The following CSPP1 variants were observed in gnomAD, a reference collection of about 807,000 sequenced individuals.
CSPP1 encodes the protein centrosome and spindle pole-associated protein 1.
CSPP1 carries 126 observed loss-of-function variants against 164.4 expected under a neutral mutation model. That is an observed-to-expected ratio of 0.77 (90% CI 0.66 to 0.89). CSPP1 has a LOEUF of 0.89. Ranked by LOEUF, CSPP1 falls within the 40% of genes least tolerant of loss-of-function variation. The pLI, the probability that CSPP1 is intolerant of heterozygous loss-of-function variation, is 0.00. For synonymous variants in CSPP1, 472 were observed against 476.7 expected, an observed-to-expected ratio of 0.99 and a Z score of 0.13; for missense variants, 1,395 against 1,449.8, an observed-to-expected ratio of 0.96 and a Z score of 0.61.
intron 4 of CSPP1, among the ~76,000 whole-genome samples, chr8:67,088,350 C>T (rs1585961839): frequency 6.6e-6 from 1 of 151,526 alleles, no homozygotes; most frequent in Non-Finnish European, 1.5e-5. Context: ...TGCAGTGGTA[C>T]GATCTTGGCT....
Position 67,186,625 on chromosome 8 carries a change from TG to T in CSPP1, c.3221-4024del, listed in dbSNP as rs1295782373. Among the ~76,000 whole-genome samples, 26 of 152,308 alleles carry T rather than the reference TG, an allele frequency of 1.7e-4. 1 individual carries two copies. The highest frequency in any genetic ancestry group is 2.1e-4 in the Non-Finnish European group (14 of 68,018). On this transcript the variant is annotated intron_variant, in intron 28 of 30. Transcript: ENST00000678616. ...AGAAGCTTTCCTGCTAAGATCAGGA[TG>T]TCCTTTCTCACCACTGATTAACATC...
rs1809242366 is a variant in CSPP1, at chr8:67,081,785, T to C, written c.200-4222T>C. ...TAAGGGAGAGGATCTTGCTCTGTCA[T>C]CCAGGCTCGTGTGCAGTGGCACCAT... On this transcript the variant is annotated intron_variant, in intron 3 of 30. Transcript: ENST00000678616. Among the ~76,000 whole-genome samples, 2 of 152,210 alleles carry C rather than the reference T, an allele frequency of 1.3e-5. 1 individual carries two copies. Among genetic ancestry groups the C allele is most frequent in the Non-Finnish European group, 2.9e-5 (2 of 68,042 alleles).
In CSPP1 at chr8:67,195,794, A is replaced by AGAT. The variant is rs1837827549; in HGVS notation, c.*202_*204dup. 2 of 542,452 alleles carry AGAT rather than the reference A, an allele frequency of 3.7e-6. No individual in the cohort carries two copies. Among genetic ancestry groups the AGAT allele is most frequent in the East Asian group, 3.2e-5 (1 of 31,512 alleles). 33.6% of individuals were successfully genotyped at this position (542,452 alleles called of 1,614,324 possible). ...ATTGATTTATATAATAGAATTGTAT[A>AGAT]GATTATTTTTGCACAGTTTTGTCAT... On this transcript the variant is annotated 3_prime_UTR_variant, in exon 31 of 31. Transcript: ENST00000678616.
At position 67,114,375 on chromosome 8, in the gene CSPP1, T is replaced by A. The variant is rs538349114; in HGVS notation, c.1287+5T>A. The A allele has an allele frequency of 6.5e-6, 1 of 152,780 alleles. No individual in the cohort carries two copies. The highest frequency in any genetic ancestry group is 2.4e-5 in the African/African-American group (1 of 41,588). 9.5% of individuals were successfully genotyped at this position (152,780 alleles called of 1,614,324 possible). ...TTGCAGTTAAGTAAGGAGGAGGTAA[T>A]TTATTGTTTTTACCACAATTTATTT... On this transcript the variant is annotated splice_donor_5th_base_variant and intron_variant, in intron 12 of 30. Coordinates refer to ENST00000678616, the MANE Select transcript of CSPP1 (RefSeq NM_001382391.1).
chr8:67,172,428 G>C lies in CSPP1; in HGVS notation c.2841G>C (p.Arg947Ser). Residue 947 changes from arginine to serine, a missense_variant, in exon 25 of 31, where the codon AGG becomes AGC. Arg to Ser is a moderately radical substitution (Grantham distance 110). Transcript: ENST00000678616. ...DDEIPIRKKE[R>S]NPMDIFDMAR... ...CATTTATCTATAGGAAAAAGGAAAG[G>C]AATCCCATGGATATATTTGATATGG... 1 of 1,612,060 alleles carries C rather than the reference G, an allele frequency of 6.2e-7. No individual in the cohort carries two copies. Among genetic ancestry groups the C allele is most frequent in the Non-Finnish European group, 8.5e-7 (1 of 1,178,632 alleles).
chr8:67,103,839 CAA>C (rs757419585), intron 8 of CSPP1, among the ~76,000 whole-genome samples: 1,780 of 59,680 alleles, frequency 0.03, 32 homozygotes, highest in African/African-American at 0.082. Context: ...GACTCCCTCT[CAA>C]AAAAAAAAAA....
At chr8:67,177,109 A>G (rs1831881595) in intron 26 of CSPP1, among the ~76,000 whole-genome samples, 4 of 151,528 alleles carry the variant, frequency 2.6e-5, no homozygotes, top group Admixed American at 2.6e-4. Flanking sequence ...TGGCCTCACT[A>G]TAAACAATCA....
chr8:67,091,804 A>C lies in CSPP1; in HGVS notation c.305A>C (p.Lys102Thr). Residue 102 changes from lysine to threonine, a missense_variant and splice_region_variant, in exon 5 of 31, where the codon AAA (lysine) becomes ACA (threonine). Coordinates refer to ENST00000678616, the MANE Select transcript of CSPP1 (RefSeq NM_001382391.1). ...RQDYRRYLTQ[K>T]NFLSTSETDP... Reference sequence around the variant, plus strand: ...TTTTTTTAATGTGTATATATACAGAAAAATTTTCTATCTACGAGTGAAACA... The same window carrying C: ...TTTTTTTAATGTGTATATATACAGACAAATTTTCTATCTACGAGTGAAACA... The C allele has an allele frequency of 1.6e-6, 2 of 1,287,868 alleles. No individual in the cohort carries two copies. Among genetic ancestry groups the C allele is most frequent in the Non-Finnish European group, 2.1e-6 (2 of 969,596 alleles). The allele number at this position is 1,287,868 out of a possible 1,614,324, so 79.8% of individuals were successfully genotyped here.
intron 3 of CSPP1, among the ~76,000 whole-genome samples, chr8:67,079,987 C>G (rs1173376975): frequency 6.6e-6 from 1 of 152,156 alleles, no homozygotes; most frequent in African/African-American, 2.4e-5. Flanking sequence ...CCATCTGAAA[C>G]CATTTGATGC....
intron 3 of CSPP1, among the ~76,000 whole-genome samples, chr8:67,083,256 G>A (rs1161541792): frequency 3.3e-5 from 5 of 151,800 alleles, no homozygotes; most frequent in Admixed American, 6.6e-5. Context: ...ATAATAGGCC[G>A]GGCGCAGTGG....
At chr8:67,100,594 T>A (rs1252681272) in intron 7 of CSPP1, among the ~76,000 whole-genome samples, 1 of 151,180 alleles carries the variant, frequency 6.6e-6, no homozygotes, top group East Asian at 1.9e-4. Flanking sequence ...TTTCTTTTTT[T>A]TTTGAGACAG....
chr8:67,177,692 CCATCCCAAG>C lies in CSPP1; in HGVS notation c.3123_3131del (p.Ile1042_Ser1044del), dbSNP rs765971102. On this transcript the variant is annotated inframe_deletion, in exon 27 of 31. Transcript: ENST00000678616. ...CCATTGACTACAGTTGACTTAGATG[CCATCCCAAG>C]TGCTAAAGTACGAGAGCAAAGAATG... 1 of 1,610,794 alleles carries C rather than the reference CCATCCCAAG, an allele frequency of 6.2e-7. No homozygotes were observed. The highest frequency in any genetic ancestry group is 8.5e-7 in the Non-Finnish European group (1 of 1,177,450).
At chr8:67,159,877 T>C (rs1276347357) in intron 21 of CSPP1, among the ~76,000 whole-genome samples, 1 of 59,312 alleles carries the variant, frequency 1.7e-5, no homozygotes, top group Admixed American at 1.9e-4. Context: ...TCTTTCTTTC[T>C]TTCTTTCTTT....
At position 67,161,933 on chromosome 8, in the gene CSPP1, T is replaced by C; in HGVS notation, c.2643+18T>C. ...TTATTCATGTATGTACTTTTGTTTT[T>C]ATTTGTTCATCCTAGCTCAGTTATT... is the stretch of plus-strand genomic sequence containing the variant. On this transcript the variant is annotated intron_variant, in intron 22 of 30. Transcript: ENST00000678616. 6.8e-7 allele frequency: 1 copy of C among 1,479,498 alleles called. No individual in the cohort carries two copies. Among genetic ancestry groups the C allele is most frequent in the South Asian group, 1.1e-5 (1 of 87,698 alleles). 91.6% of individuals were successfully genotyped at this position (1,479,498 alleles called of 1,614,324 possible).
At chr8:67,190,219 T>C (rs1423179758) in intron 28 of CSPP1, among the ~76,000 whole-genome samples, 2 of 152,234 alleles carry the variant, frequency 1.3e-5, no homozygotes, top group Admixed American at 1.3e-4. Flanking sequence ...GACGTATCCA[T>C]ATGATGGAGT....
chr8:67,108,763 T>C (rs1282460817), intron 9 of CSPP1, among the ~76,000 whole-genome samples: 1 of 152,176 alleles, frequency 6.6e-6, no homozygotes, highest in Non-Finnish European at 1.5e-5. Flanking sequence ...ATAGCTAAAC[T>C]CTTCTTTGTG....
chr8:67,180,854 TTC>T (rs938972970), intron 28 of CSPP1, among the ~76,000 whole-genome samples: 2 of 152,132 alleles, frequency 1.3e-5, no homozygotes, highest in Non-Finnish European at 2.9e-5. Context: ...CCATGGGATC[TTC>T]TTTTTTTTTT....
chr8:67,146,873 C>T (rs892741245), intron 17 of CSPP1, among the ~76,000 whole-genome samples: 1 of 152,186 alleles, frequency 6.6e-6, no homozygotes, highest in Non-Finnish European at 1.5e-5. Context: ...TTGCAGTTGA[C>T]AAATTACACT....
chr8:67,126,957 A>G (rs1483060857), intron 15 of CSPP1, among the ~76,000 whole-genome samples: 1 of 151,676 alleles, frequency 6.6e-6, no homozygotes, highest in African/African-American at 2.4e-5. Flanking sequence ...CAAAAGTGAG[A>G]TTTTTCTAGA....
Sources: gnomAD v4.1 joint callset for allele counts (sites outside exome capture counted in the v4.1 genomes callset) on GRCh38, gnomAD v4.1.1 for gene constraint, MANE v1.5 for transcripts, NCBI Gene and HGNC (gene_info 2026-07-23, HGNC 2026-07-21) for gene names.